Variants in VSTM4 observed in about 807,000 individuals in gnomAD.
VSTM4 encodes the protein V-set and transmembrane domain containing 4.
A neutral mutation model predicts 36.4 loss-of-function variants in VSTM4; 20 were observed. The ratio of observed to expected loss-of-function variants is 0.55; its 90% CI spans 0.39 to 0.80. The LOEUF (loss-of-function observed/expected upper bound fraction) is 0.80. Among genes scored for constraint, VSTM4 ranks in the 30% least tolerant of loss-of-function variants. The pLI, the probability that VSTM4 is intolerant of heterozygous loss-of-function variation, is 0.00. For missense variants in VSTM4, 392 were observed against 404.5 expected, an observed-to-expected ratio of 0.97 and a Z score of 0.26; for synonymous variants, 182 against 173.9, an observed-to-expected ratio of 1.05 and a Z score of -0.37.
At chr10:49,064,758 A>G (rs766592039) in intron 4 of VSTM4, 22 bp from the exon 5 acceptor site, 2 of 1,610,512 alleles carry the variant, frequency 1.2e-6, no homozygotes, top group Admixed American at 3.4e-5. Flanking sequence ...AAAATAATAG[A>G]AGATGGTAAA....
chr10:49,066,729 T>G (rs891991118), intron 4 of VSTM4, among the ~76,000 whole-genome samples: 1 of 152,204 alleles, frequency 6.6e-6, no homozygotes, highest in Admixed American at 6.5e-5. Flanking sequence ...GTTTATGTCA[T>G]CTTGATTAAT....
chr10:49,109,560 A>C (rs1844854767), intron 1 of VSTM4, among the ~76,000 whole-genome samples: 1 of 152,200 alleles, frequency 6.6e-6, no homozygotes, highest in South Asian at 2.1e-4. Flanking sequence ...GGGTAATTCC[A>C]TGAGCCTTGA....
intron 4 of VSTM4, among the ~76,000 whole-genome samples, chr10:49,068,536 T>C (rs1025358280): frequency 6.6e-6 from 1 of 152,074 alleles, no homozygotes; most frequent in Non-Finnish European, 1.5e-5. Flanking sequence ...ATGGTCCCAT[T>C]AAGAGGGACT....
rs991968567 is a variant in VSTM4, at chr10:49,014,671, A to C, written c.*4979T>G. 3 of 152,162 alleles carry C rather than the reference A, an allele frequency of 2.0e-5. No homozygotes were observed. The highest frequency in any genetic ancestry group is 4.4e-5 in the Non-Finnish European group (3 of 68,044). 9.4% of individuals were successfully genotyped at this position (152,162 alleles called of 1,614,324 possible). ...AGCAGTAATCAATTAATTCAGAATG[A>C]GCAAAGGCTTAACCTCTATTCTCCC... is the stretch of plus-strand genomic sequence containing the variant. On this transcript the variant is annotated 3_prime_UTR_variant, in exon 8 of 8. Coordinates refer to ENST00000332853, the MANE Select transcript of VSTM4 (RefSeq NM_001031746.5).
chr10:49,085,057 C>T (rs913056334), intron 3 of VSTM4, among the ~76,000 whole-genome samples: 1 of 152,270 alleles, frequency 6.6e-6, no homozygotes, highest in Admixed American at 6.5e-5. Flanking sequence ...AACCCCTGCC[C>T]TAAGGCCCAA....
At chr10:49,092,191 C>G (rs1313354303) in intron 2 of VSTM4, among the ~76,000 whole-genome samples, 1 of 152,224 alleles carries the variant, frequency 6.6e-6, no homozygotes, top group East Asian at 1.9e-4. Flanking sequence ...CAACTGGGCT[C>G]TTATTAAAAC....
In VSTM4 at chr10:49,107,927, C is replaced by A; in HGVS notation, c.124G>T (p.Ala42Ser). ...TGGGAGACGTGGCAGAGGAGAGTGG[C>A]ATTCTCCCCCTCCAGGTAGTCAACC... ...PVVDYLEGENATLLCHVSQKR... is the reference protein window; with the variant it reads ...PVVDYLEGENSTLLCHVSQKR... Residue 42 changes from alanine (A) to serine (S), a missense_variant, in exon 2 of 8, where the codon GCC becomes TCC. Transcript: ENST00000332853. 6.2e-7 allele frequency: 1 copy of A among 1,612,964 alleles called. No homozygotes were observed. Among genetic ancestry groups the A allele is most frequent in the Non-Finnish European group, 8.5e-7 (1 of 1,179,422 alleles).
intron 2 of VSTM4, among the ~76,000 whole-genome samples, chr10:49,100,215 AT>A (rs879385482): frequency 1.1e-3 from 170 of 152,298 alleles, no homozygotes; most frequent in Middle Eastern, 3.4e-3. Context: ...TAGATGGAAG[AT>A]GTGGTCAAGA....
At chr10:49,045,914 A>G (rs1324515899) in intron 7 of VSTM4, among the ~76,000 whole-genome samples, 1 of 152,124 alleles carries the variant, frequency 6.6e-6, no homozygotes, top group Non-Finnish European at 1.5e-5. Context: ...TGTAAACCCC[A>G]GGTGTCAAGG....
chr10:49,064,806 AAG>A, intron 4 of VSTM4, 70 bp from the exon 5 acceptor site: 1 of 1,532,934 alleles, frequency 6.5e-7, no homozygotes, highest in African/African-American at 1.4e-5. Flanking sequence ...CAGGAATTAC[AAG>A]GAAATGCCGG....
At chr10:49,084,007 C>T (rs1798283466) in intron 3 of VSTM4, among the ~76,000 whole-genome samples, 1 of 152,198 alleles carries the variant, frequency 6.6e-6, no homozygotes, top group Non-Finnish European at 1.5e-5. Flanking sequence ...TAGTGATCTA[C>T]CCTTGCCACA....
chr10:49,042,638 C>A (rs1303273619), intron 7 of VSTM4, among the ~76,000 whole-genome samples: 2 of 152,222 alleles, frequency 1.3e-5, no homozygotes, highest in Admixed American at 6.5e-5. Context: ...CTCTCAGAGG[C>A]TCATGTACCC....
chr10:49,044,213 C>T (rs61850682), intron 7 of VSTM4, among the ~76,000 whole-genome samples: 27,673 of 151,806 alleles, frequency 0.18, 2,837 homozygotes, highest in Non-Finnish European at 0.22. Flanking sequence ...CTGTAATACC[C>T]GCTACTTGAG....
At chr10:49,026,353 C>T (rs1843261504) in intron 7 of VSTM4, among the ~76,000 whole-genome samples, 2 of 152,152 alleles carry the variant, frequency 1.3e-5, no homozygotes, top group South Asian at 4.1e-4. Flanking sequence ...TTGTTCCCAC[C>T]ATGATGGGAA....
chr10:49,024,330 T>TAATTC (rs1843224797), intron 7 of VSTM4, among the ~76,000 whole-genome samples: 1 of 152,148 alleles, frequency 6.6e-6, no homozygotes, highest in Non-Finnish European at 1.5e-5. Flanking sequence ...AATCCACAAG[T>TAATTC]AATTCTGGAG....
rs1200438889 is a variant in VSTM4, at chr10:49,014,531, AT to A, written c.*5118del. 2 of 152,126 alleles carry A rather than the reference AT, an allele frequency of 1.3e-5. No individual in the cohort carries two copies. The highest frequency in any genetic ancestry group is 4.8e-5 in the African/African-American group (2 of 41,404). 9.4% of individuals were successfully genotyped at this position (152,126 alleles called of 1,614,324 possible). On this transcript the variant is annotated 3_prime_UTR_variant, in exon 8 of 8. Coordinates refer to ENST00000332853, the MANE Select transcript of VSTM4 (RefSeq NM_001031746.5). ...ATCCCCACCCCCTGAGAAGATGAGGATTGCTCTGGGGAAAATACACTCAGCA... is the reference window on the plus strand; with the variant it reads ...ATCCCCACCCCCTGAGAAGATGAGGATGCTCTGGGGAAAATACACTCAGCA...
chr10:49,101,539 C>A (rs969195879), intron 2 of VSTM4, among the ~76,000 whole-genome samples: 5 of 151,818 alleles, frequency 3.3e-5, no homozygotes, highest in East Asian at 1.9e-4. Context: ...ATATAATAAT[C>A]GAAATTAAAA....
At chr10:49,021,823 C>T (rs147153930) in intron 7 of VSTM4, among the ~76,000 whole-genome samples, 40 of 152,198 alleles carry the variant, frequency 2.6e-4, no homozygotes, top group African/African-American at 7.0e-4. Context: ...ATTCGTATAA[C>T]GCAATATACG....
chr10:49,095,034 G>C (rs147428972), intron 2 of VSTM4, among the ~76,000 whole-genome samples: 58 of 152,228 alleles, frequency 3.8e-4, no homozygotes, highest in African/African-American at 1.3e-3. Flanking sequence ...ACCGCATTCA[G>C]TCCAAGACAA....
Sources: allele counts gnomAD v4.1 joint callset (sites outside exome capture counted in the v4.1 genomes callset), GRCh38; gene constraint gnomAD v4.1.1; transcripts MANE v1.5; gene names NCBI Gene and HGNC (gene_info 2026-07-23, HGNC 2026-07-21).